The following ATP8A2 variants were observed in gnomAD, a reference collection of about 807,000 sequenced individuals.
ATP8A2 encodes phospholipid-transporting ATPase IB.
In ATP8A2, 100 loss-of-function variants were observed where a neutral mutation model predicts 165.6. The ratio of observed to expected loss-of-function variants is 0.60; its 90% CI spans 0.51 to 0.71. The LOEUF is 0.71. Among genes scored for constraint, ATP8A2 ranks in the 30% least tolerant of loss-of-function variants. ATP8A2 has a pLI of 0.00. For synonymous variants in ATP8A2, 543 were observed against 548.8 expected, an observed-to-expected ratio of 0.99 and a Z score of 0.15; for missense variants, 1,227 against 1,479.5, an observed-to-expected ratio of 0.83 and a Z score of 2.80.
chr13:25,531,308 A>ATATATATGT (rs2038065943), intron 4 of ATP8A2, among the ~76,000 whole-genome samples: 1 of 87,242 alleles, frequency 1.1e-5, no homozygotes, highest in African/African-American at 4.5e-5. Context: ...GTTATATATG[A>ATATATATGT]TATATATGTT....
chr13:25,478,141 G>C (rs935232631), intron 2 of ATP8A2, among the ~76,000 whole-genome samples: 2 of 152,020 alleles, frequency 1.3e-5, no homozygotes, highest in African/African-American at 2.4e-5. Context: ...TGTTTGTTGT[G>C]ATGAGTAGAT....
chr13:25,418,945 C>G (rs2034214445), intron 1 of ATP8A2, among the ~76,000 whole-genome samples: 1 of 152,036 alleles, frequency 6.6e-6, no homozygotes, highest in Non-Finnish European at 1.5e-5. Flanking sequence ...GAACCACATC[C>G]TCTAATGAAG....
chr13:25,434,449 A>G (rs76311964), intron 1 of ATP8A2, among the ~76,000 whole-genome samples: 1 of 151,908 alleles, frequency 6.6e-6, no homozygotes. Flanking sequence ...CCTGGGTTCA[A>G]GTGTTTCTCG....
At chr13:25,622,129 C>T (rs2040984162) in intron 24 of ATP8A2, among the ~76,000 whole-genome samples, 2 of 151,548 alleles carry the variant, frequency 1.3e-5, no homozygotes, top group African/African-American at 4.9e-5. Flanking sequence ...TTGCTTGAAC[C>T]CGGGAGGTGG....
intron 27 of ATP8A2, among the ~76,000 whole-genome samples, chr13:25,814,007 G>A (rs1950944797): frequency 6.6e-6 from 1 of 151,896 alleles, no homozygotes; most frequent in Non-Finnish European, 1.5e-5. Context: ...CCAGCTTACA[G>A]ACCCCCTCTG....
chr13:25,804,654 A>G (rs546615486), intron 27 of ATP8A2, among the ~76,000 whole-genome samples: 4 of 152,128 alleles, frequency 2.6e-5, no homozygotes, highest in African/African-American at 4.8e-5. Context: ...TTCTGTTAAG[A>G]CAGAGCTTCC....
intron 25 of ATP8A2, among the ~76,000 whole-genome samples, chr13:25,702,468 A>G (rs2042971112): frequency 6.6e-6 from 1 of 152,188 alleles, no homozygotes; most frequent in Non-Finnish European, 1.5e-5. Context: ...CTCCAGTATA[A>G]TTTACTTTGT....
intron 2 of ATP8A2, among the ~76,000 whole-genome samples, chr13:25,522,271 G>T (rs531645177): frequency 6.6e-5 from 10 of 152,112 alleles, no homozygotes; most frequent in Non-Finnish European, 1.5e-4. Context: ...TTTTCAGATT[G>T]TTTGCTGTTG....
intron 33 of ATP8A2, among the ~76,000 whole-genome samples, chr13:25,876,658 G>A (rs1390248635): frequency 6.6e-6 from 1 of 152,088 alleles, no homozygotes; most frequent in Non-Finnish European, 1.5e-5. Context: ...ATTAATGTGG[G>A]AAAAGTAATT....
Position 25,386,983 on chromosome 13 carries a change from C to T in ATP8A2, c.76+14695C>T, listed in dbSNP as rs781476411. On this transcript the variant is annotated intron_variant, in intron 1 of 36. Coordinates refer to ENST00000381655, the MANE Select transcript of ATP8A2 (RefSeq NM_016529.6). ...TTGCACTCCAGCCTGGGCGTCAGAG[C>T]GAGACTCCATCTCAAAAAAAACAGA... Among the ~76,000 whole-genome samples, 92 of 95,828 alleles carry T rather than the reference C, an allele frequency of 9.6e-4. 1 individual carries two copies. The highest frequency in any genetic ancestry group is 2.0e-3 in the African/African-American group (71 of 35,452). The allele number at this position is 95,828 out of a possible 152,430, so 62.9% of individuals were successfully genotyped here. A position where few individuals can be genotyped will look rare whatever the true frequency, so the allele number is the denominator to read the frequency against.
chr13:25,446,840 C>A (rs948487264), intron 1 of ATP8A2, among the ~76,000 whole-genome samples: 2 of 134,752 alleles, frequency 1.5e-5, no homozygotes, highest in African/African-American at 5.5e-5. Flanking sequence ...TTTTTATAAA[C>A]CTAGGATTTT....
At chr13:25,908,761 A>G (rs577059062) in intron 33 of ATP8A2, among the ~76,000 whole-genome samples, 1 of 152,372 alleles carries the variant, frequency 6.6e-6, no homozygotes, top group East Asian at 1.9e-4. Flanking sequence ...AACTGCCTTC[A>G]GAGGAGAAGC....
rs145524987 is a variant in ATP8A2, at chr13:25,686,551, C to T, written c.2212-12622C>T. Among the ~76,000 whole-genome samples, 148 of 152,202 alleles carry T rather than the reference C, an allele frequency of 9.7e-4. No individual in the cohort carries two copies. The Middle Eastern group carries it at 0.01, about 10-fold the overall frequency. On this transcript the variant is annotated intron_variant, in intron 24 of 36. Coordinates refer to ENST00000381655, the MANE Select transcript of ATP8A2 (RefSeq NM_016529.6). Reference sequence around the variant, plus strand: ...AACAAGTTCAGTGGGAACATGGGCTCAGAACTCCCTGACACTGTAATGTTT... The same window carrying T: ...AACAAGTTCAGTGGGAACATGGGCTTAGAACTCCCTGACACTGTAATGTTT...
rs555857812 is a variant in ATP8A2, at chr13:25,623,890, A to G, written c.2211+34191A>G. Among the ~76,000 whole-genome samples, 34 of 151,160 alleles carry G rather than the reference A, an allele frequency of 2.2e-4. 1 individual carries two copies. In the South Asian group the frequency reaches 4.6e-3, roughly 20 times the overall value. On this transcript the variant is annotated intron_variant, in intron 24 of 36. Coordinates refer to ENST00000381655, the MANE Select transcript of ATP8A2 (RefSeq NM_016529.6). ...TATATGCATATACCTATATATGCAT[A>G]TATCTATAATGCATGTATGTATGTG...
intron 30 of ATP8A2, among the ~76,000 whole-genome samples, chr13:25,846,384 C>G (rs1052414384): frequency 2.6e-5 from 4 of 152,022 alleles, no homozygotes; most frequent in African/African-American, 9.7e-5. Context: ...CTGGGCTGAG[C>G]TTTAAGGACT....
intron 25 of ATP8A2, among the ~76,000 whole-genome samples, chr13:25,764,793 T>G (rs764720428): frequency 1.3e-5 from 2 of 152,244 alleles, no homozygotes. Context: ...ATATGTGTTT[T>G]GGGTCTCTAG....
chr13:25,532,469 A>G (rs1391240854), intron 5 of ATP8A2, 152 bp downstream of exon 5: 5 of 593,158 alleles, frequency 8.4e-6, no homozygotes, highest in Non-Finnish European at 1.5e-5. Flanking sequence ...AACAAACTGA[A>G]CATAATTTTA....
Position 25,946,638 on chromosome 13 carries a change from C to T in ATP8A2, c.3184-14937C>T, listed in dbSNP as rs1018117068. The stretch of plus-strand genomic sequence containing the variant: ...GAGCGAGGGCACACCCTGGGAGGCC[C>T]GAGTATGTATCCTGTGGCATTACAT... On this transcript the variant is annotated intron_variant, in intron 33 of 36. Coordinates refer to ENST00000381655, the MANE Select transcript of ATP8A2 (RefSeq NM_016529.6). Among the ~76,000 whole-genome samples, 7 of 152,212 alleles carry T rather than the reference C, an allele frequency of 4.6e-5. No homozygotes were observed. In the East Asian group the frequency reaches 5.8e-4, roughly 13 times the overall value.
At position 25,882,912 on chromosome 13, in the gene ATP8A2, TG is replaced by T. The variant is rs1338783431; in HGVS notation, c.3183+20505del. 9.9e-5 allele frequency among the ~76,000 whole-genome samples: 15 copies of T among 151,134 alleles called. No homozygotes were observed. In the East Asian group the frequency reaches 2.9e-3, roughly 29 times the overall value. ...GTGCCTGAGATGATGATGATGATGA[TG>T]ATGATGATGATGATGATGATGATGA... On this transcript the variant is annotated intron_variant, in intron 33 of 36. Coordinates refer to ENST00000381655, the MANE Select transcript of ATP8A2 (RefSeq NM_016529.6).
Sources: gnomAD v4.1 joint callset for allele counts (sites outside exome capture counted in the v4.1 genomes callset) on GRCh38, gnomAD v4.1.1 for gene constraint, MANE v1.5 for transcripts, NCBI Gene and HGNC (gene_info 2026-07-23, HGNC 2026-07-21) for gene names.